PRDM5: variants seen among roughly 807,000 people sequenced by gnomAD.
PRDM5 encodes the protein PR/SET domain 5.
Under a neutral mutation model 81.2 loss-of-function variants are expected in PRDM5, and 56 were observed. The ratio of observed to expected loss-of-function variants is 0.69; its 90% CI spans 0.56 to 0.86. PRDM5 has a LOEUF of 0.86. Ranked by LOEUF, PRDM5 falls within the 40% of genes least tolerant of loss-of-function variation. The pLI is 0.00. For synonymous variants in PRDM5, 267 were observed against 256.4 expected (o/e 1.04, Z -0.39); for missense variants, 697 against 770.1 (o/e 0.91, Z 1.12).
At chr4:120,842,487 C>T (rs1758145923) in intron 3 of PRDM5, among the ~76,000 whole-genome samples, 1 of 152,140 alleles carries the variant, frequency 6.6e-6, no homozygotes, top group South Asian at 2.1e-4. Flanking sequence ...TGAGCCCCCA[C>T]TAGACGAAAT....
At chr4:120,736,474 G>T (rs1268981404) in intron 14 of PRDM5, among the ~76,000 whole-genome samples, 4 of 152,074 alleles carry the variant, frequency 2.6e-5, no homozygotes, top group Non-Finnish European at 5.9e-5. Context: ...AATTAGCAGG[G>T]CTGAAAATGC....
At chr4:120,725,562 C>T (rs1456872544) in intron 14 of PRDM5, among the ~76,000 whole-genome samples, 1 of 152,080 alleles carries the variant, frequency 6.6e-6, no homozygotes, top group East Asian at 1.9e-4. Context: ...GAAAGAACAC[C>T]CATTAACTTA....
rs141699988 is a variant in PRDM5 at position 120,922,567 on chromosome 4, G to C, written c.42C>G (p.Ser14=). The change falls in exon 1 of 16, where the codon TCC becomes TCG. Residue 14 remains serine, a synonymous_variant. Coordinates refer to ENST00000264808, the MANE Select transcript of PRDM5 (RefSeq NM_018699.4). ...GCCCCATGCCGTCCTGAACCCGGGA[G>C]GACTTCAGGGAGAACCTGTCCGGCA... is the stretch of plus-strand genomic sequence containing the variant. The part of the protein sequence containing the change: ...MYVPDRFSLK[S]SRVQDGMGLY... 68 of 1,610,978 alleles carry C rather than the reference G, an allele frequency of 4.2e-5. No homozygotes were observed. In the African/African-American group the frequency reaches 8.3e-4, roughly 20 times the overall value.
chr4:120,877,470 C>T (rs568317724), intron 2 of PRDM5, among the ~76,000 whole-genome samples: 1 of 152,308 alleles, frequency 6.6e-6, no homozygotes, highest in South Asian at 2.1e-4. Flanking sequence ...CATTCCTGGA[C>T]TCAATTTTTA....
chr4:120,915,856 T>G (rs987149270), intron 1 of PRDM5, among the ~76,000 whole-genome samples: 4 of 151,952 alleles, frequency 2.6e-5, no homozygotes, highest in Non-Finnish European at 5.9e-5. Context: ...AGAGAAACCC[T>G]ACATAAGAGG....
rs369284065 is a variant in PRDM5 at position 120,746,976 on chromosome 4, C to T, written c.1623+7577G>A. On this transcript the variant is annotated intron_variant, in intron 14 of 15. Coordinates refer to ENST00000264808, the MANE Select transcript of PRDM5 (RefSeq NM_018699.4). ...TATAAATCATGCTGCTATAAAGACA[C>T]ATGCACACGTATGTTTATTGCAGCA... Among the ~76,000 whole-genome samples the T allele has an allele frequency of 5.3e-5, 8 of 150,764 alleles. No individual in the cohort carries two copies. The East Asian group carries it at 7.8e-4, about 15-fold the overall frequency.
At chr4:120,753,237 C>A (rs1435944615) in intron 14 of PRDM5, among the ~76,000 whole-genome samples, 1 of 152,162 alleles carries the variant, frequency 6.6e-6, no homozygotes, top group Non-Finnish European at 1.5e-5. Context: ...ACCTCCTAAT[C>A]TCAAGCTAAT....
At chr4:120,734,083 A>G (rs1740684748) in intron 14 of PRDM5, among the ~76,000 whole-genome samples, 1 of 152,096 alleles carries the variant, frequency 6.6e-6, no homozygotes, top group Admixed American at 6.5e-5. Flanking sequence ...AGAAGGACAC[A>G]TGGTCCAAAC....
At chr4:120,910,640 C>T (rs1262175486) in intron 1 of PRDM5, among the ~76,000 whole-genome samples, 1 of 152,116 alleles carries the variant, frequency 6.6e-6, no homozygotes, top group Non-Finnish European at 1.5e-5. Context: ...GGGGCACATA[C>T]CCCATACATA....
Position 120,765,760 on chromosome 4 carries a change from G to A in PRDM5, c.1538-11122C>T, listed in dbSNP as rs973939473. Among the ~76,000 whole-genome samples the A allele has an allele frequency of 1.5e-4, 23 of 152,144 alleles. 1 individual carries two copies. The highest frequency in any genetic ancestry group is 5.6e-4 in the African/African-American group (23 of 41,426). On this transcript the variant is annotated intron_variant, in intron 13 of 15. Transcript: ENST00000264808. ...AAGTTTATGAAAAGATAAGCATAAT[G>A]ACACTGGGAATAGAGGGTCAAACAG... is the stretch of plus-strand genomic sequence containing the variant.
At position 120,816,450 on chromosome 4, in the gene PRDM5, C is replaced by T; in HGVS notation, c.865+3G>A. The T allele has an allele frequency of 6.2e-7, 1 of 1,614,192 alleles. No homozygotes were observed. Among genetic ancestry groups the T allele is most frequent in the Non-Finnish European group, 8.5e-7 (1 of 1,180,024 alleles). On this transcript the variant is annotated splice_donor_region_variant and intron_variant, in intron 7 of 15. Coordinates refer to ENST00000264808, the MANE Select transcript of PRDM5 (RefSeq NM_018699.4). ...CGGAAACGACCCTCCAACGACTCCT[C>T]ACCAGTGTGGACATTTTCCTGGTGT...
At chr4:120,714,575 T>C (rs1737481735) in intron 14 of PRDM5, among the ~76,000 whole-genome samples, 1 of 152,204 alleles carries the variant, frequency 6.6e-6, no homozygotes, top group Admixed American at 6.5e-5. Context: ...GAAAATATTC[T>C]AGGCATTTAT....
intron 10 of PRDM5, among the ~76,000 whole-genome samples, chr4:120,797,348 T>A (rs1751480056): frequency 6.6e-6 from 1 of 151,938 alleles, no homozygotes; most frequent in African/African-American, 2.4e-5. Context: ...AGTATGAGAG[T>A]GATATACCAG....
intron 14 of PRDM5, among the ~76,000 whole-genome samples, chr4:120,734,411 C>CAAAT (rs1553952544): frequency 2.8e-5 from 4 of 143,848 alleles, no homozygotes; most frequent in Non-Finnish European, 4.6e-5. Flanking sequence ...CACACACACA[C>CAAAT]ACACACAAAT....
intron 8 of PRDM5, among the ~76,000 whole-genome samples, chr4:120,801,765 CT>C (rs774787213): frequency 2.0e-5 from 3 of 152,194 alleles, no homozygotes; most frequent in Non-Finnish European, 2.9e-5. Context: ...TCATCAAAGA[CT>C]TCCACAGCGG....
intron 2 of PRDM5, among the ~76,000 whole-genome samples, chr4:120,854,199 G>C (rs1179058783): frequency 6.6e-6 from 1 of 152,172 alleles, no homozygotes; most frequent in African/African-American, 2.4e-5. Flanking sequence ...CAACTGGAGA[G>C]AGGAGGGGAG....
chr4:120,744,494 T>A (rs1561058838), intron 14 of PRDM5, among the ~76,000 whole-genome samples: 1 of 151,850 alleles, frequency 6.6e-6, no homozygotes, highest in Non-Finnish European at 1.5e-5. Context: ...ATCCAGGAGC[T>A]GGTTTTTTGA....
chr4:120,838,154 C>T (rs1313519500), intron 3 of PRDM5: 1 of 152,214 alleles, frequency 6.6e-6, no homozygotes, highest in Non-Finnish European at 1.5e-5. Context: ...AGTTTTACAA[C>T]CCCTCTTCCA....
rs1338076475 is a variant in PRDM5 at position 120,695,037 on chromosome 4, G to A, written c.*74C>T. ...AGTCACTTTTGGCTACTTCTGTTAT[G>A]CTGATCAGGTGATAAAAATCTGGGA... On this transcript the variant is annotated 3_prime_UTR_variant, in exon 16 of 16. Coordinates refer to ENST00000264808, the MANE Select transcript of PRDM5 (RefSeq NM_018699.4). The A allele has an allele frequency of 6.6e-7, 1 of 1,519,536 alleles. No homozygotes were observed. The highest frequency in any genetic ancestry group is 2.3e-5 in the East Asian group (1 of 44,290). The allele number at this position is 1,519,536 out of a possible 1,614,324, so 94.1% of individuals were successfully genotyped here.
Sources: gnomAD v4.1 joint callset for allele counts (sites outside exome capture counted in the v4.1 genomes callset) on GRCh38, gnomAD v4.1.1 for gene constraint, MANE v1.5 for transcripts, NCBI Gene and HGNC (gene_info 2026-07-23, HGNC 2026-07-21) for gene names.